EEPD1: variants seen among roughly 807,000 people sequenced by gnomAD.
The protein encoded by EEPD1 is endonuclease/exonuclease/phosphatase family domain containing 1, also known as endonuclease/exonuclease/phosphatase family domain-containing protein 1.
In EEPD1, 17 loss-of-function variants were observed where a neutral mutation model predicts 46.3. The observed-to-expected ratio is 0.37, with a 90% CI of 0.25 to 0.55. The LOEUF is 0.55. Among genes scored for constraint, EEPD1 ranks in the 20% least tolerant of loss-of-function variants. The pLI is 0.83. For missense variants in EEPD1, 673 were observed against 745.6 expected, an observed-to-expected ratio of 0.90 and a Z score of 1.13; for synonymous variants, 313 against 315.6, an observed-to-expected ratio of 0.99 and a Z score of 0.09.
At chr7:36,254,285 G>A (rs1043959894) in intron 3 of EEPD1, among the ~76,000 whole-genome samples, 2 of 151,898 alleles carry the variant, frequency 1.3e-5, no homozygotes, top group Admixed American at 6.6e-5. Flanking sequence ...CCTAGCCCCC[G>A]ACTCCCTGAC....
intron 2 of EEPD1, among the ~76,000 whole-genome samples, chr7:36,179,536 G>A (rs1302072344): frequency 6.6e-6 from 1 of 151,032 alleles, no homozygotes. Flanking sequence ...GCCTGGCCAA[G>A]ATGGCAAGAA....
At chr7:36,179,229 G>A (rs1447645469) in intron 2 of EEPD1, among the ~76,000 whole-genome samples, 1 of 152,204 alleles carries the variant, frequency 6.6e-6, no homozygotes, top group African/African-American at 2.4e-5. Flanking sequence ...TAATGGGCTG[G>A]TGGGAGCTGG....
intron 2 of EEPD1, among the ~76,000 whole-genome samples, chr7:36,222,131 C>G (rs930549294): frequency 2.6e-5 from 4 of 152,124 alleles, no homozygotes; most frequent in Admixed American, 6.5e-5. Context: ...GAACTTTTGA[C>G]TCCCCCAAAA....
At chr7:36,283,677 T>C (rs1429087268) in intron 4 of EEPD1, among the ~76,000 whole-genome samples, 1 of 152,154 alleles carries the variant, frequency 6.6e-6, no homozygotes. Flanking sequence ...ATTTCAAATA[T>C]AGAAGTGCAC....
intron 2 of EEPD1, among the ~76,000 whole-genome samples, chr7:36,214,846 C>T (rs1301780802): frequency 6.6e-6 from 1 of 152,198 alleles, no homozygotes; most frequent in East Asian, 1.9e-4. Flanking sequence ...CACTCAGAAC[C>T]TCCTTTGGAA....
rs1266686829 is a variant in EEPD1, at chr7:36,299,147, C to T, written c.1651C>T (p.Arg551Trp). 3.1e-6 allele frequency: 5 copies of T among 1,611,718 alleles called. No individual in the cohort carries two copies. Among genetic ancestry groups the T allele is most frequent in the South Asian group, 1.1e-5 (1 of 90,978 alleles). ...EKDWSKKDAP[R>W]NGSGVALERS... is the part of the protein sequence containing the mutation. ...GGACTGGAGCAAGAAGGATGCCCCTCGGAACGGCAGCGGGGTGGCCTTGGA... is the reference window on the plus strand; with the variant it reads ...GGACTGGAGCAAGAAGGATGCCCCTTGGAACGGCAGCGGGGTGGCCTTGGA... The change falls in exon 8 of 8, where the codon CGG (arginine) becomes TGG (tryptophan). Residue 551 changes from arginine to tryptophan, a missense_variant. Arg to Trp is a moderately radical substitution (Grantham distance 101). Transcript: ENST00000242108.
intron 2 of EEPD1, among the ~76,000 whole-genome samples, chr7:36,187,065 C>G (rs568249375): frequency 6.6e-6 from 1 of 151,972 alleles, no homozygotes; most frequent in Non-Finnish European, 1.5e-5. Context: ...TTGCATTGGC[C>G]GTGGCTCTGT....
At chr7:36,186,363 C>T (rs1386388563) in intron 2 of EEPD1, among the ~76,000 whole-genome samples, 3 of 152,186 alleles carry the variant, frequency 2.0e-5, no homozygotes, top group Non-Finnish European at 2.9e-5. Context: ...CAGGGCCGCT[C>T]TTCTGACCCC....
rs1203720674 is a variant in EEPD1, at chr7:36,182,683, C to T, written c.878+27481C>T. On this transcript the variant is annotated intron_variant, in intron 2 of 7. Transcript: ENST00000242108. The stretch of plus-strand genomic sequence containing the variant: ...GAGGGTGTGGACTTGCCCAGTAATG[C>T]ACAGCTGGAAAGCAGGCAAGTCAGG... 7.2e-5 allele frequency among the ~76,000 whole-genome samples: 11 copies of T among 152,210 alleles called. 1 individual carries two copies. Among genetic ancestry groups the T allele is most frequent in the African/African-American group, 2.7e-4 (11 of 41,452 alleles).
chr7:36,271,632 A>G (rs1036671818), intron 3 of EEPD1, among the ~76,000 whole-genome samples: 2 of 150,036 alleles, frequency 1.3e-5, no homozygotes, highest in Non-Finnish European at 3.0e-5. Context: ...CCATTTGTCA[A>G]TTTTGGCTTT....
chr7:36,268,624 C>G (rs1171824522), intron 3 of EEPD1, among the ~76,000 whole-genome samples: 1 of 152,182 alleles, frequency 6.6e-6, no homozygotes, highest in Non-Finnish European at 1.5e-5. Context: ...GTGATTCTTG[C>G]CTCCTTCCTC....
intron 4 of EEPD1, among the ~76,000 whole-genome samples, chr7:36,282,561 C>T (rs1049132785): frequency 3.0e-4 from 46 of 152,244 alleles, no homozygotes; most frequent in Admixed American, 2.0e-4. Flanking sequence ...CAGGGAGACC[C>T]GAGTTCCATC....
intron 2 of EEPD1, among the ~76,000 whole-genome samples, chr7:36,216,181 G>A (rs1786026992): frequency 1.3e-5 from 2 of 152,158 alleles, no homozygotes. Flanking sequence ...TCAAAGGAGA[G>A]GAAGGAGAGA....
intron 2 of EEPD1, among the ~76,000 whole-genome samples, chr7:36,184,741 A>AT (rs1322117123): frequency 2.0e-5 from 3 of 152,056 alleles, no homozygotes; most frequent in Non-Finnish European, 4.4e-5. Flanking sequence ...ATTAAAAAAA[A>AT]TTTTTTTGAG....
At chr7:36,279,903 A>G (rs1404841408) in intron 3 of EEPD1, among the ~76,000 whole-genome samples, 3 of 152,212 alleles carry the variant, frequency 2.0e-5, no homozygotes, top group African/African-American at 7.2e-5. Flanking sequence ...GGGTGGGTCC[A>G]GTGACGGACT....
intron 2 of EEPD1, among the ~76,000 whole-genome samples, chr7:36,198,867 G>A (rs1450284503): frequency 6.6e-6 from 1 of 152,040 alleles, no homozygotes; most frequent in Non-Finnish European, 1.5e-5. Flanking sequence ...GTCTTGGGGG[G>A]CCCGATTGAC....
At chr7:36,190,097 T>C (rs558631904) in intron 2 of EEPD1, among the ~76,000 whole-genome samples, 24 of 152,184 alleles carry the variant, frequency 1.6e-4, no homozygotes, top group African/African-American at 5.8e-4. Flanking sequence ...GAAGGCTGGG[T>C]GTGGTGGCTC....
chr7:36,254,580 A>G (rs922923742), intron 3 of EEPD1, among the ~76,000 whole-genome samples: 4 of 152,210 alleles, frequency 2.6e-5, no homozygotes, highest in African/African-American at 7.2e-5. Context: ...TAGTGCTGCA[A>G]TAAATATACG....
intron 2 of EEPD1, among the ~76,000 whole-genome samples, chr7:36,228,361 T>G (rs2726065): frequency 0.37 from 55,631 of 151,716 alleles, 10,594 homozygotes; most frequent in East Asian, 0.45. Context: ...AATCCCATCT[T>G]TACTAAAAAT....
Sources: gnomAD v4.1 joint callset for allele counts (sites outside exome capture counted in the v4.1 genomes callset) on GRCh38, gnomAD v4.1.1 for gene constraint, MANE v1.5 for transcripts, NCBI Gene and HGNC (gene_info 2026-07-23, HGNC 2026-07-21) for gene names.